Variants in PANK2 observed in about 807,000 individuals in gnomAD.
The protein encoded by PANK2 is pantothenate kinase 2, also known as pantothenate kinase 2, mitochondrial.
Under a neutral mutation model 43.1 loss-of-function variants are expected in PANK2, and 36 were observed. The observed-to-expected ratio is 0.84, with a 90% confidence interval of 0.64 to 1.10. The LOEUF (loss-of-function observed/expected upper bound fraction) is 1.10, where lower values mean the gene tolerates loss of function less well. Ranked by LOEUF, PANK2 falls within the 50% of genes least tolerant of loss-of-function variation. The pLI is 0.00. For synonymous variants in PANK2, 281 were observed against 238.2 expected, an observed-to-expected ratio of 1.18 and a Z score of -1.66; for missense variants, 576 against 593.3, an observed-to-expected ratio of 0.97 and a Z score of 0.30.
rs61743428 is a variant in PANK2 at position 3,927,764 on chromosome 20, G to A, written c.*4470G>A. 0.033 allele frequency: 4,979 copies of A among 152,364 alleles called. 271 individuals are homozygous for A. The highest frequency in any genetic ancestry group is 0.11 in the African/African-American group (4,674 of 41,546). The allele number at this position is 152,364 out of a possible 1,614,324, so 9.4% of individuals were successfully genotyped here. ...TGGAGAGGAACGGTGTGCAGTGGGC[G>A]TGAGATGCAGATCCACCAGGCTTGG... On this transcript the variant is annotated 3_prime_UTR_variant, in exon 7 of 7. Transcript: ENST00000610179.
In PANK2 at chr20:3,927,861, T is replaced by TA. The variant is rs1479282260; in HGVS notation, c.*4568dup. The TA allele has an allele frequency of 1.3e-5, 2 of 152,200 alleles. No individual in the cohort carries two copies. The highest frequency in any genetic ancestry group is 4.8e-5 in the African/African-American group (2 of 41,438). The allele number at this position is 152,200 out of a possible 1,614,324, so 9.4% of individuals were successfully genotyped here. ...AGTCTGCTGACACTGGTGGGGCCCT[T>TA]ACAGTCACAGAAGTAAGGACTGGAT... On this transcript the variant is annotated 3_prime_UTR_variant, in exon 7 of 7. Transcript: ENST00000610179.
intron 1 of PANK2, among the ~76,000 whole-genome samples, chr20:3,903,575 C>G (rs1220513080): frequency 6.7e-6 from 1 of 148,454 alleles, no homozygotes; most frequent in African/African-American, 2.5e-5. Flanking sequence ...AAGTGATTCT[C>G]CTGCCTCAGC....
chr20:3,892,216 TG>T (rs2090133773), intron 1 of PANK2, among the ~76,000 whole-genome samples: 1 of 152,066 alleles, frequency 6.6e-6, no homozygotes, highest in Non-Finnish European at 1.5e-5. Flanking sequence ...TGGTGGTGCA[TG>T]CCTGTAATCC....
chr20:3,922,110 T>G (rs996907045), intron 6 of PANK2, among the ~76,000 whole-genome samples: 3 of 152,162 alleles, frequency 2.0e-5, no homozygotes, highest in African/African-American at 7.2e-5. Flanking sequence ...AAAGATAGAG[T>G]GGTAGTTATT....
In PANK2 at chr20:3,928,074, A is replaced by G. The variant is rs1445540781; in HGVS notation, c.*4780A>G. 6.6e-6 allele frequency: 1 copy of G among 152,144 alleles called. No homozygotes were observed. The highest frequency in any genetic ancestry group is 1.5e-5 in the Non-Finnish European group (1 of 68,018). 9.4% of individuals were successfully genotyped at this position (152,144 alleles called of 1,614,324 possible). A position where few individuals can be genotyped will look rare whatever the true frequency, so the allele number is the denominator to read the frequency against. ...TGGGGATCCCTTATTAATCTTTACT[A>G]AAGAACCGTGAACCAGCATTTTCCA... On this transcript the variant is annotated 3_prime_UTR_variant, in exon 7 of 7. Coordinates refer to ENST00000610179, the MANE Select transcript of PANK2 (RefSeq NM_001386393.1).
rs571460409 is a variant in PANK2 at position 3,922,850 on chromosome 20, C to T, written c.1333-394C>T. 5.3e-5 allele frequency among the ~76,000 whole-genome samples: 8 copies of T among 152,312 alleles called. No homozygotes were observed. In the East Asian group the frequency reaches 9.6e-4, roughly 18 times the overall value. The stretch of plus-strand genomic sequence containing the variant: ...CACCTGTTTCATTGCACTTTGCATC[C>T]GACCTCGCCTTCATTCCTTAGTTGT... On this transcript the variant is annotated intron_variant, in intron 6 of 6. Transcript: ENST00000610179.
rs1169063614 is a variant in PANK2, at chr20:3,927,931, CTT to C, written c.*4639_*4640del. 6.6e-6 allele frequency: 1 copy of C among 152,210 alleles called. No homozygotes were observed. The highest frequency in any genetic ancestry group is 1.5e-5 in the Non-Finnish European group (1 of 68,050). The allele number at this position is 152,210 out of a possible 1,614,324, so 9.4% of individuals were successfully genotyped here. A position where few individuals can be genotyped will look rare whatever the true frequency, so the allele number is the denominator to read the frequency against. ...TGCTTGGTCAAAAAGTGGAGTACAT[CTT>C]TGCATCTTGTAACAATTTGGGCTCT... On this transcript the variant is annotated 3_prime_UTR_variant, in exon 7 of 7. Coordinates refer to ENST00000610179, the MANE Select transcript of PANK2 (RefSeq NM_001386393.1).
intron 1 of PANK2, among the ~76,000 whole-genome samples, chr20:3,895,638 C>G (rs1053022679): frequency 4.6e-5 from 7 of 151,880 alleles, no homozygotes; most frequent in African/African-American, 1.7e-4. Context: ...AAGTTTGTAG[C>G]CTTGTGAGCT....
rs534081236 is a variant in PANK2, at chr20:3,926,964, C to T, written c.*3670C>T. The T allele has an allele frequency of 2.8e-5, 4 of 143,184 alleles. No individual in the cohort carries two copies. The highest frequency in any genetic ancestry group is 7.1e-5 in the Admixed American group (1 of 14,142). The allele number at this position is 143,184 out of a possible 1,614,324, so 8.9% of individuals were successfully genotyped here. A position where few individuals can be genotyped will look rare whatever the true frequency, so the allele number is the denominator to read the frequency against. On this transcript the variant is annotated 3_prime_UTR_variant, in exon 7 of 7. Transcript: ENST00000610179. ...TCAAAAAAAAAAAAAAAAAAAAATC[C>T]GCTATTTCAGGTCACCCTGGTGCTG... is the stretch of plus-strand genomic sequence containing the variant.
chr20:3,898,155 G>T (rs1484996459), intron 1 of PANK2, among the ~76,000 whole-genome samples: 2 of 151,876 alleles, frequency 1.3e-5, no homozygotes, highest in East Asian at 1.9e-4. Flanking sequence ...ATCTCTTTTG[G>T]CTATGGCCTA....
chr20:3,921,303 G>A (rs2090643654), intron 6 of PANK2: 1 of 151,470 alleles, frequency 6.6e-6, no homozygotes, highest in African/African-American at 2.4e-5. Context: ...GCCTCTCTGA[G>A]CCTTGAAATA....
At chr20:3,894,945 A>G (rs546646496) in intron 1 of PANK2, among the ~76,000 whole-genome samples, 1 of 152,274 alleles carries the variant, frequency 6.6e-6, no homozygotes, top group East Asian at 1.9e-4. Flanking sequence ...CCTGCCTTCT[A>G]TCTGGGGAGA....
rs6052168 is a variant in PANK2 at position 3,910,987 on chromosome 20, C to G, written c.905+157C>G. Among the ~76,000 whole-genome samples, 3 of 152,114 alleles carry G rather than the reference C, an allele frequency of 2.0e-5. No individual in the cohort carries two copies. In the East Asian group the frequency reaches 5.8e-4, roughly 29 times the overall value. ...TCTTTGAAAATTCTGATTTTATGAC[C>G]TAGTTTTCTTTAATCTCTACTGTTC... On this transcript the variant is annotated intron_variant, in intron 3 of 6. Coordinates refer to ENST00000610179, the MANE Select transcript of PANK2 (RefSeq NM_001386393.1).
intron 6 of PANK2, among the ~76,000 whole-genome samples, chr20:3,920,584 C>T (rs374962041): frequency 3.9e-5 from 6 of 151,992 alleles, no homozygotes; most frequent in East Asian, 1.9e-4. Flanking sequence ...CAGCGGCTCA[C>T]GCCTGTAATC....
At chr20:3,911,299 G>T (rs2090464818) in intron 3 of PANK2, among the ~76,000 whole-genome samples, 1 of 152,134 alleles carries the variant, frequency 6.6e-6, no homozygotes, top group Non-Finnish European at 1.5e-5. Flanking sequence ...GAAAAGAGAG[G>T]ATTAGCCGGG....
In PANK2 at chr20:3,928,393, C is replaced by T. The variant is rs538449090; in HGVS notation, c.*5099C>T. On this transcript the variant is annotated 3_prime_UTR_variant, in exon 7 of 7. Coordinates refer to ENST00000610179, the MANE Select transcript of PANK2 (RefSeq NM_001386393.1). ...TGGGAAGCGAGGCACAAGTCTGTGC[C>T]CCTACTCCCAGGGCTGCCTGGAGGA... 3 of 152,244 alleles carry T rather than the reference C, an allele frequency of 2.0e-5. No homozygotes were observed. The South Asian group carries it at 6.2e-4, about 32-fold the overall frequency. The allele number at this position is 152,244 out of a possible 1,614,324, so 9.4% of individuals were successfully genotyped here.
rs370591977 is a variant in PANK2, at chr20:3,894,042, C to T, written c.298+4314C>T. The stretch of plus-strand genomic sequence containing the variant: ...TGCTTCCTGGGTTCAAGCAATTCTC[C>T]TGCCTCAGACTCGCAAGTAGCTGGG... On this transcript the variant is annotated intron_variant, in intron 1 of 6. Transcript: ENST00000610179. 4.0e-5 allele frequency among the ~76,000 whole-genome samples: 6 copies of T among 150,684 alleles called. No individual in the cohort carries two copies. In the East Asian group the frequency reaches 7.8e-4, roughly 20 times the overall value.
At chr20:3,918,974 G>GGGGCTGCA (rs1279728387) in intron 6 of PANK2, among the ~76,000 whole-genome samples, 178 bp downstream of exon 6, 2 of 152,088 alleles carry the variant, frequency 1.3e-5, no homozygotes, top group African/African-American at 4.8e-5. Flanking sequence ...GCACAGTCTT[G>GGGGCTGCA]GGGCTCACTG....
rs917199546 is a variant in PANK2 at position 3,923,571 on chromosome 20, C to G, written c.*277C>G. Reference sequence around the variant, plus strand: ...GTTGCCTGCTTTGTATTTTTGAAATCTCTGCATCACTCATTGGAAGTGCTT... The same window carrying G: ...GTTGCCTGCTTTGTATTTTTGAAATGTCTGCATCACTCATTGGAAGTGCTT... On this transcript the variant is annotated 3_prime_UTR_variant, in exon 7 of 7. Coordinates refer to ENST00000610179, the MANE Select transcript of PANK2 (RefSeq NM_001386393.1). 3 of 505,890 alleles carry G rather than the reference C, an allele frequency of 5.9e-6. No homozygotes were observed. Among genetic ancestry groups the G allele is most frequent in the Non-Finnish European group, 1.1e-5 (3 of 279,890 alleles). The allele number at this position is 505,890 out of a possible 1,614,324, so 31.3% of individuals were successfully genotyped here.
Sources: allele counts gnomAD v4.1 joint callset (sites outside exome capture counted in the v4.1 genomes callset), GRCh38; gene constraint gnomAD v4.1.1; transcripts MANE v1.5; gene names NCBI Gene and HGNC (gene_info 2026-07-23, HGNC 2026-07-21).